Variants in THSD4 observed in about 807,000 individuals in gnomAD.
THSD4 encodes the protein thrombospondin type-1 domain-containing protein 4.
A neutral mutation model predicts 119.0 loss-of-function variants in THSD4; 69 were observed. The observed-to-expected ratio is 0.58, with a 90% CI of 0.48 to 0.71. THSD4 has a LOEUF of 0.71. Ranked by LOEUF, THSD4 falls within the 30% of genes least tolerant of loss-of-function variation. THSD4 has a pLI of 0.00. For missense variants in THSD4, 1,393 were observed against 1,391.1 expected, an observed-to-expected ratio of 1.00 and a Z score of -0.02; for synonymous variants, 524 against 540.4, an observed-to-expected ratio of 0.97 and a Z score of 0.42.
chr15:71,738,757 TCGTCTAGGTATGCAGCTC>T (rs1184874974), intron 11 of THSD4, among the ~76,000 whole-genome samples: 19 of 152,076 alleles, frequency 1.2e-4, no homozygotes, highest in Non-Finnish European at 2.9e-5. Context: ...CTGGGGTCTC[TCGTCTAGGTATGCAGCTC>T]CCACATGAGT....
chr15:71,725,752 G>C (rs1415223487), intron 8 of THSD4, among the ~76,000 whole-genome samples: 2 of 152,142 alleles, frequency 1.3e-5, no homozygotes, highest in African/African-American at 4.8e-5. Context: ...GATTGGAGAT[G>C]GTTGAGGAAT....
chr15:71,657,709 C>A (rs951177263), intron 7 of THSD4, among the ~76,000 whole-genome samples: 16 of 152,128 alleles, frequency 1.1e-4, no homozygotes, highest in African/African-American at 3.6e-4. Context: ...CAGCCGCATG[C>A]TTCACTGAAA....
At chr15:71,629,446 C>T (rs2050576503) in intron 7 of THSD4, among the ~76,000 whole-genome samples, 1 of 152,176 alleles carries the variant, frequency 6.6e-6, no homozygotes, top group Admixed American at 6.5e-5. Context: ...ACCCTGAGGG[C>T]CTTTCCGCAG....
intron 6 of THSD4, among the ~76,000 whole-genome samples, chr15:71,302,800 C>T (rs1188522740): frequency 6.6e-6 from 1 of 152,074 alleles, no homozygotes; most frequent in Non-Finnish European, 1.5e-5. Flanking sequence ...GAATGGTACA[C>T]ACCTTCCCCC....
intron 1 of THSD4, among the ~76,000 whole-genome samples, chr15:71,122,428 G>A (rs761733910): frequency 1.4e-4 from 21 of 152,222 alleles, no homozygotes; most frequent in African/African-American, 4.6e-4. Flanking sequence ...CGGTGGGGCC[G>A]GAGGGAGGAA....
At chr15:71,459,411 T>C (rs2047395595) in intron 7 of THSD4, among the ~76,000 whole-genome samples, 1 of 151,884 alleles carries the variant, frequency 6.6e-6, no homozygotes, top group South Asian at 2.1e-4. Context: ...TCTCTGTCTC[T>C]CTCTCTCTCT....
At chr15:71,642,056 C>A (rs2140965055) in intron 7 of THSD4, among the ~76,000 whole-genome samples, 1 of 152,288 alleles carries the variant, frequency 6.6e-6, no homozygotes, top group East Asian at 1.9e-4. Flanking sequence ...ATGGACCGTA[C>A]ACAGAGAGAA....
rs560762953 is a variant in THSD4 at position 71,636,819 on chromosome 15, C to G, written c.1153-23711C>G. Among the ~76,000 whole-genome samples the G allele has an allele frequency of 1.5e-3, 225 of 152,314 alleles. 1 individual carries two copies. Among genetic ancestry groups the G allele is most frequent in the African/African-American group, 5.0e-3 (207 of 41,568 alleles). On this transcript the variant is annotated intron_variant, in intron 7 of 17. Coordinates refer to ENST00000261862, the MANE Select transcript of THSD4 (RefSeq NM_024817.3). ...ATGCCATGACTGAAAAACAGGAGGA[C>G]CTGCGAGGCATGTGAGAAATCTACA...
Position 71,411,802 on chromosome 15 carries a change from C to T in THSD4, c.1131C>T (p.Ile377=), listed in dbSNP as rs2046692322. Reference sequence around the variant, plus strand: ...CCTGTGACCAGAACGGCACGGCCATCTGTGTGTCTGGGCAGTGCAAGGTAA... The same window carrying T: ...CCTGTGACCAGAACGGCACGGCCATTTGTGTGTCTGGGCAGTGCAAGGTAA... ...GTPCDQNGTA[I]CVSGQCKSIG... The change falls in exon 7 of 18, where the codon ATC becomes ATT. Residue 377 remains isoleucine (I), a synonymous_variant. Coordinates refer to ENST00000261862, the MANE Select transcript of THSD4 (RefSeq NM_024817.3). 6.2e-7 allele frequency: 1 copy of T among 1,614,062 alleles called. No homozygotes were observed. The highest frequency in any genetic ancestry group is 2.2e-5 in the East Asian group (1 of 44,866).
intron 3 of THSD4, among the ~76,000 whole-genome samples, chr15:71,188,265 T>A (rs937866324): frequency 7.9e-5 from 12 of 152,052 alleles, no homozygotes; most frequent in African/African-American, 2.7e-4. Context: ...CTTCGAAGGA[T>A]GATGATGACT....
chr15:71,484,208 G>A (rs908247462), intron 7 of THSD4, among the ~76,000 whole-genome samples: 16 of 152,086 alleles, frequency 1.1e-4, no homozygotes, highest in Non-Finnish European at 1.6e-4. Flanking sequence ...CTGACCATCG[G>A]GAAACTTCCC....
Position 71,555,170 on chromosome 15 carries a change from G to A in THSD4, c.1153-105360G>A, listed in dbSNP as rs554090829. On this transcript the variant is annotated intron_variant, in intron 7 of 17. Transcript: ENST00000261862. ...TGCTTGCTAGAACTTCCAGAATGCAGTACTGAATTGGCGGGTCATGGAGAA... is the reference window on the plus strand; with the variant it reads ...TGCTTGCTAGAACTTCCAGAATGCAATACTGAATTGGCGGGTCATGGAGAA... Among the ~76,000 whole-genome samples, 5 of 152,282 alleles carry A rather than the reference G, an allele frequency of 3.3e-5. No homozygotes were observed. In the South Asian group the frequency reaches 1.0e-3, roughly 32 times the overall value.
chr15:71,346,917 A>G (rs1164762873), intron 6 of THSD4, among the ~76,000 whole-genome samples: 1 of 112,336 alleles, frequency 8.9e-6, no homozygotes, highest in African/African-American at 3.5e-5. Context: ...TCTGTTGCCC[A>G]GGTTGGAGTG....
chr15:71,769,928 T>TAAA (rs1181348692), intron 16 of THSD4, among the ~76,000 whole-genome samples: 2 of 44,300 alleles, frequency 4.5e-5, no homozygotes, highest in Non-Finnish European at 4.0e-5. Context: ...AAAATAAATT[T>TAAA]AAAAAAAAAA....
intron 6 of THSD4, among the ~76,000 whole-genome samples, chr15:71,317,510 C>T (rs905563505): frequency 2.0e-5 from 3 of 152,180 alleles, no homozygotes; most frequent in Non-Finnish European, 4.4e-5. Flanking sequence ...GACTTATTCA[C>T]TATCATGAGA....
chr15:71,637,928 T>C (rs138043705), intron 7 of THSD4, among the ~76,000 whole-genome samples: 2,931 of 152,072 alleles, frequency 0.019, 99 homozygotes, highest in African/African-American at 0.068. Flanking sequence ...AGTTTCACCA[T>C]GTTGGCCAGG....
intron 7 of THSD4, among the ~76,000 whole-genome samples, chr15:71,658,391 G>C (rs182333017): frequency 1.3e-5 from 2 of 152,278 alleles, no homozygotes; most frequent in East Asian, 3.9e-4. Context: ...TGGACAAGTC[G>C]AGTCCAGGGG....
At chr15:71,731,270 TTC>T in intron 10 of THSD4, 53 bp downstream of exon 10, 1 of 1,538,238 alleles carries the variant, frequency 6.5e-7, no homozygotes, top group East Asian at 2.3e-5. Context: ...TTGTAAAGCC[TTC>T]TCTCTCTCAA....
chr15:71,665,971 G>A (rs186960122), intron 8 of THSD4, among the ~76,000 whole-genome samples: 10 of 152,260 alleles, frequency 6.6e-5, no homozygotes, highest in South Asian at 2.1e-4. Context: ...GCTTAGGATT[G>A]CCTTGGCCTT....
Sources: gnomAD v4.1 joint callset for allele counts (sites outside exome capture counted in the v4.1 genomes callset) on GRCh38, gnomAD v4.1.1 for gene constraint, MANE v1.5 for transcripts, NCBI Gene and HGNC (gene_info 2026-07-23, HGNC 2026-07-21) for gene names.